PLA2R1: variants seen among roughly 807,000 people sequenced by gnomAD.
PLA2R1 encodes secretory phospholipase A2 receptor.
Under a neutral mutation model 195.9 loss-of-function variants are expected in PLA2R1, and 158 were observed. The observed-to-expected ratio is 0.81, with a 90% CI of 0.71 to 0.92. PLA2R1 has a LOEUF of 0.92. Ranked by LOEUF, PLA2R1 falls within the 40% of genes least tolerant of loss-of-function variation. PLA2R1 has a pLI of 0.00. For missense variants in PLA2R1, 1,626 were observed against 1,764.6 expected, an observed-to-expected ratio of 0.92 and a Z score of 1.41; for synonymous variants, 586 against 598.2, an observed-to-expected ratio of 0.98 and a Z score of 0.30.
chr2:159,929,061 A>T (rs1686536403), downstream of PLA2R1, among the ~76,000 whole-genome samples: 1 of 152,216 alleles, frequency 6.6e-6, no homozygotes, highest in Non-Finnish European at 1.5e-5. Context: ...AGAAGATAAC[A>T]TTGGAAAAAC....
chr2:159,952,349 C>T (rs1322667319), intron 23 of PLA2R1, among the ~76,000 whole-genome samples: 2 of 152,110 alleles, frequency 1.3e-5, no homozygotes, highest in African/African-American at 4.8e-5. Context: ...TTACATAGAA[C>T]ATATGTTCTA....
At position 159,940,083 on chromosome 2, in the gene PLA2R1, T is replaced by C. The variant is rs886873710; in HGVS notation, c.*1695A>G. 1.3e-5 allele frequency: 2 copies of C among 152,182 alleles called. No homozygotes were observed. The highest frequency in any genetic ancestry group is 2.9e-5 in the Non-Finnish European group (2 of 68,038). 9.4% of individuals were successfully genotyped at this position (152,182 alleles called of 1,614,324 possible). On this transcript the variant is annotated 3_prime_UTR_variant, in exon 30 of 30. Transcript: ENST00000283243. Reference sequence around the variant, plus strand: ...CATTCTTAGTGGTATGCTCTTCAAATTGTATTTCTAATGATGATGGTTTGC... The same window carrying C: ...CATTCTTAGTGGTATGCTCTTCAAACTGTATTTCTAATGATGATGGTTTGC...
chr2:159,969,333 T>C lies in PLA2R1; in HGVS notation c.2687A>G (p.Tyr896Cys). Residue 896 changes from tyrosine (Y) to cysteine (C), a missense_variant, in exon 19 of 30, where the codon TAC becomes TGC. Physicochemically the swap from Tyr to Cys is radical, Grantham distance 194 (BLOSUM62 -2). Coordinates refer to ENST00000283243, the MANE Select transcript of PLA2R1 (RefSeq NM_007366.5). The part of the protein sequence containing the change: ...FRWRDGTPVI[Y>C]QNWDTGRERT... ...TTCTCTTCCTGTGTCCCAGTTCTGG[T>C]ATATCACTGGTGTTCCATCTCTCCA... is the stretch of plus-strand genomic sequence containing the variant. 1 of 1,603,324 alleles carries C rather than the reference T, an allele frequency of 6.2e-7. No individual in the cohort carries two copies. Among genetic ancestry groups the C allele is most frequent in the Non-Finnish European group, 8.5e-7 (1 of 1,170,398 alleles).
intron 20 of PLA2R1, 36 bp from the exon 21 acceptor site, chr2:159,956,663 G>A: frequency 8.3e-7 from 1 of 1,205,484 alleles, no homozygotes; most frequent in Non-Finnish European, 1.2e-6. Flanking sequence ...ATTCATTTCT[G>A]TATCTTTCTA....
rs1352255637 is a variant in PLA2R1, at chr2:159,934,738, G to T, written c.*7040C>A. 6.6e-6 allele frequency: 1 copy of T among 152,142 alleles called. No individual in the cohort carries two copies. Among genetic ancestry groups the T allele is most frequent in the Non-Finnish European group, 1.5e-5 (1 of 68,024 alleles). 9.4% of individuals were successfully genotyped at this position (152,142 alleles called of 1,614,324 possible). On this transcript the variant is annotated 3_prime_UTR_variant, in exon 30 of 30. Coordinates refer to ENST00000283243, the MANE Select transcript of PLA2R1 (RefSeq NM_007366.5). Reference sequence around the variant, plus strand: ...ACAGAAAAATTGCCAACTTAGTCCAGAGAGTTCCTGTACAGCCTCCTTCAG... The same window carrying T: ...ACAGAAAAATTGCCAACTTAGTCCATAGAGTTCCTGTACAGCCTCCTTCAG...
rs140867126 is a variant in PLA2R1 at position 160,026,795 on chromosome 2, C to T, written c.1099+1423G>A. Among the ~76,000 whole-genome samples the T allele has an allele frequency of 2.0e-3, 299 of 152,224 alleles. 5 individuals are homozygous for T. Among genetic ancestry groups the T allele is most frequent in the South Asian group, 0.013 (65 of 4,816 alleles). ...GTTAGAACTTTGTATATCATTGACCCCAATGGTTTTCAGCCTAAAAAAGCA... is the reference window on the plus strand; with the variant it reads ...GTTAGAACTTTGTATATCATTGACCTCAATGGTTTTCAGCCTAAAAAAGCA... On this transcript the variant is annotated intron_variant, in intron 6 of 29. Transcript: ENST00000283243.
intron 11 of PLA2R1, among the ~76,000 whole-genome samples, chr2:159,989,140 G>T (rs1348978865): frequency 6.6e-6 from 1 of 152,212 alleles, no homozygotes; most frequent in Non-Finnish European, 1.5e-5. Context: ...AAGGCCATCG[G>T]ATGGCTCTAC....
downstream of PLA2R1, among the ~76,000 whole-genome samples, chr2:159,929,714 C>T (rs1473595086): frequency 6.6e-6 from 1 of 152,134 alleles, no homozygotes; most frequent in African/African-American, 2.4e-5. Flanking sequence ...ATGTTCATAG[C>T]AGCACAATTC....
intron 24 of PLA2R1, 95 bp downstream of exon 24, chr2:159,951,244 CT>C (rs1163090330): frequency 1.4e-5 from 10 of 728,122 alleles, no homozygotes; most frequent in East Asian, 9.9e-5. Flanking sequence ...TTTTTGGGAT[CT>C]TTTTTTCAGT....
Position 159,976,119 on chromosome 2 carries a change from G to C in PLA2R1, c.2544C>G (p.Leu848=), listed in dbSNP as rs1560166743. 1 of 1,612,992 alleles carries C rather than the reference G, an allele frequency of 6.2e-7. No individual in the cohort carries two copies. Among genetic ancestry groups the C allele is most frequent in the Non-Finnish European group, 8.5e-7 (1 of 1,179,210 alleles). ...CTTGCTCATGTGCAGAATGAATTGT[G>C]AGAAGATCACTGTGCAGCCAGCTAC... ...FVCSWLHSDL[L]TIHSAHEQEF... Residue 848 remains leucine, a synonymous_variant, in exon 17 of 30, where the codon CTC becomes CTG. Transcript: ENST00000283243.
chr2:159,945,162 C>G (rs1046948018), intron 27 of PLA2R1, 80 bp from the exon 28 acceptor site: 10 of 848,780 alleles, frequency 1.2e-5, no homozygotes, highest in Non-Finnish European at 1.2e-5. Flanking sequence ...CCATAAAAAG[C>G]AGCCCCTGAA....
In PLA2R1 at chr2:159,937,982, A is replaced by C. The variant is rs906578012; in HGVS notation, c.*3796T>G. On this transcript the variant is annotated 3_prime_UTR_variant, in exon 30 of 30. Coordinates refer to ENST00000283243, the MANE Select transcript of PLA2R1 (RefSeq NM_007366.5). ...GCCATTTCTTTTTCTTTTTCTTTTT[A>C]AAGGTAGAGAAAGGCATTTGTGTAA... 4 of 152,184 alleles carry C rather than the reference A, an allele frequency of 2.6e-5. No homozygotes were observed. Among genetic ancestry groups the C allele is most frequent in the Non-Finnish European group, 4.4e-5 (3 of 68,032 alleles). The allele number at this position is 152,184 out of a possible 1,614,324, so 9.4% of individuals were successfully genotyped here. A position where few individuals can be genotyped will look rare whatever the true frequency, so the allele number is the denominator to read the frequency against.
chr2:159,987,203 AG>A lies in PLA2R1; in HGVS notation c.1989del (p.Cys664AlafsTer24), dbSNP rs1560179626. The A allele has an allele frequency of 6.2e-7, 1 of 1,613,960 alleles. No individual in the cohort carries two copies. The highest frequency in any genetic ancestry group is 8.5e-7 in the Non-Finnish European group (1 of 1,179,934). On this transcript the variant is annotated frameshift_variant, in exon 12 of 30. Transcript: ENST00000283243. LOFTEE classifies it high-confidence loss of function. The stretch of plus-strand genomic sequence containing the variant: ...GGCTCTGACTCCCAGTCCAAATAGC[AG>A]GGGTGAAAGGGCCATCTCTCTTCAT... ...AEYEERWPFH[P>X]CYLDWESEPG...
chr2:160,002,606 G>C (rs1295867663), intron 11 of PLA2R1, among the ~76,000 whole-genome samples: 1 of 151,928 alleles, frequency 6.6e-6, no homozygotes, highest in Non-Finnish European at 1.5e-5. Context: ...CAGCACCTAG[G>C]AGCTTTTTAA....
intron 11 of PLA2R1, among the ~76,000 whole-genome samples, chr2:159,999,083 G>C (rs951602421): frequency 2.0e-5 from 3 of 152,090 alleles, no homozygotes; most frequent in African/African-American, 7.2e-5. Flanking sequence ...GAGTGTCCTA[G>C]TCTTGTTTTG....
rs115928352 is a variant in PLA2R1, at chr2:160,050,935, C to T, written c.110-5778G>A. Among the ~76,000 whole-genome samples the T allele has an allele frequency of 8.4e-3, 1,285 of 152,306 alleles. 25 individuals carry two copies. Among genetic ancestry groups the T allele is most frequent in the African/African-American group, 0.03 (1,226 of 41,556 alleles). ...TCTGCACCCCTTCTGATCACCTCTACTTGCCTTTAGTGTTCCCTTTAGCTT... is the reference window on the plus strand; with the variant it reads ...TCTGCACCCCTTCTGATCACCTCTATTTGCCTTTAGTGTTCCCTTTAGCTT... On this transcript the variant is annotated intron_variant, in intron 1 of 29. Transcript: ENST00000283243.
chr2:159,942,287 C>A, intron 28 of PLA2R1, 128 bp from the exon 29 acceptor site: 2 of 669,174 alleles, frequency 3.0e-6, no homozygotes, highest in South Asian at 1.9e-5. Context: ...TTTACTGGAA[C>A]TTAGCCACAC....
intron 17 of PLA2R1, among the ~76,000 whole-genome samples, chr2:159,973,917 C>A (rs1248047982): frequency 6.6e-6 from 1 of 152,120 alleles, no homozygotes; most frequent in Non-Finnish European, 1.5e-5. Flanking sequence ...TCAACTAGAT[C>A]ATGGCAGTGG....
intron 14 of PLA2R1, among the ~76,000 whole-genome samples, chr2:159,977,989 AG>A (rs1471672962): frequency 6.6e-6 from 1 of 152,196 alleles, no homozygotes; most frequent in Non-Finnish European, 1.5e-5. Flanking sequence ...TTTCTCCAGA[AG>A]GAACAAATCA....
Sources: allele counts gnomAD v4.1 joint callset (sites outside exome capture counted in the v4.1 genomes callset), GRCh38; gene constraint gnomAD v4.1.1; transcripts MANE v1.5; gene names NCBI Gene and HGNC (gene_info 2026-07-23, HGNC 2026-07-21).